The following KCNB2 variants were observed in gnomAD, a reference collection of about 807,000 sequenced individuals.
KCNB2 encodes delayed rectifier potassium channel protein.
In KCNB2, 15 loss-of-function variants were observed where a neutral mutation model predicts 61.5. The observed-to-expected ratio is 0.24, with a 90% CI of 0.16 to 0.38. The LOEUF (loss-of-function observed/expected upper bound fraction) is 0.38, where lower values mean the gene tolerates loss of function less well. Among genes scored for constraint, KCNB2 ranks in the 10% least tolerant of loss-of-function variants. The probability of loss-of-function intolerance (pLI) is 1.00; values close to 1 mark genes in which losing one functional copy is unlikely to be tolerated. For synonymous variants in KCNB2, 457 were observed against 446.0 expected, an observed-to-expected ratio of 1.02 and a Z score of -0.31; for missense variants, 828 against 1,125.2, an observed-to-expected ratio of 0.74 and a Z score of 3.78.
chr8:72,654,751 A>G (rs1806263925), intron 2 of KCNB2, among the ~76,000 whole-genome samples: 1 of 152,188 alleles, frequency 6.6e-6, no homozygotes. Flanking sequence ...AAAGTCTCCT[A>G]GAACATGGGA....
chr8:72,602,242 A>G (rs753251866), intron 2 of KCNB2, among the ~76,000 whole-genome samples: 3 of 152,194 alleles, frequency 2.0e-5, no homozygotes, highest in Non-Finnish European at 2.9e-5. Flanking sequence ...CATCAGAATC[A>G]GTCACTGAGT....
At chr8:72,557,085 T>C (rs1806440899) in intron 1 of KCNB2, among the ~76,000 whole-genome samples, 1 of 152,078 alleles carries the variant, frequency 6.6e-6, no homozygotes, top group South Asian at 2.1e-4. Flanking sequence ...AGGTCCCACC[T>C]CTTAATACCA....
chr8:72,734,592 G>A (rs1807806612), intron 2 of KCNB2, among the ~76,000 whole-genome samples: 1 of 152,172 alleles, frequency 6.6e-6, no homozygotes, highest in African/African-American at 2.4e-5. Context: ...TACGATACCA[G>A]GTGTGTCTCT....
Position 72,561,735 on chromosome 8 carries a change from C to CA in KCNB2, c.-93-5907_-93-5906insA, listed in dbSNP as rs1585752414. 1.4e-4 allele frequency among the ~76,000 whole-genome samples: 3 copies of CA among 22,114 alleles called. No homozygotes were observed. In the East Asian group the frequency reaches 0.01, roughly 74 times the overall value. The allele number at this position is 22,114 out of a possible 152,430, so 14.5% of individuals were successfully genotyped here. ...TATATATATATATATATATCTATATCTATATATATATGTATATATATATAT... is the reference window on the plus strand; with the variant it reads ...TATATATATATATATATATCTATATCATATATATATATGTATATATATATAT... On this transcript the variant is annotated intron_variant, in intron 1 of 2. Transcript: ENST00000523207.
chr8:72,841,938 T>C (rs927597738), intron 2 of KCNB2, among the ~76,000 whole-genome samples: 4 of 152,204 alleles, frequency 2.6e-5, no homozygotes, highest in Non-Finnish European at 5.9e-5. Context: ...ACTTGCCTGA[T>C]TGCCCTGGCC....
At chr8:72,884,693 G>T (rs1397076981) in intron 2 of KCNB2, among the ~76,000 whole-genome samples, 1 of 151,956 alleles carries the variant, frequency 6.6e-6, no homozygotes, top group Non-Finnish European at 1.5e-5. Context: ...ATGCTTATCT[G>T]CAATAACACC....
At chr8:72,808,703 C>T (rs1007355387) in intron 2 of KCNB2, among the ~76,000 whole-genome samples, 1 of 152,086 alleles carries the variant, frequency 6.6e-6, no homozygotes, top group Admixed American at 6.6e-5. Flanking sequence ...GACAAAGATC[C>T]CATGTACTTG....
chr8:72,764,689 T>C (rs1202546521), intron 2 of KCNB2, among the ~76,000 whole-genome samples: 1 of 152,202 alleles, frequency 6.6e-6, no homozygotes, highest in Non-Finnish European at 1.5e-5. Flanking sequence ...TCTTTCTTAG[T>C]AAAGAAAACA....
At chr8:72,836,317 C>T (rs187585047) in intron 2 of KCNB2, among the ~76,000 whole-genome samples, 11 of 152,234 alleles carry the variant, frequency 7.2e-5, no homozygotes, top group Non-Finnish European at 1.5e-4. Context: ...GTAAATGAAA[C>T]AACAATTAAA....
At chr8:72,700,324 G>A (rs1807096521) in intron 2 of KCNB2, among the ~76,000 whole-genome samples, 1 of 152,008 alleles carries the variant, frequency 6.6e-6, no homozygotes, top group Non-Finnish European at 1.5e-5. Flanking sequence ...TAACAAACCT[G>A]CACGTTCTGC....
chr8:72,603,374 G>A (rs1805389626), intron 2 of KCNB2, among the ~76,000 whole-genome samples: 1 of 152,110 alleles, frequency 6.6e-6, no homozygotes, highest in African/African-American at 2.4e-5. Flanking sequence ...AATGCAACAT[G>A]CCTTTGCATG....
At chr8:72,840,916 CATTTGTCA>C (rs1809871528) in intron 2 of KCNB2, among the ~76,000 whole-genome samples, 1 of 152,154 alleles carries the variant, frequency 6.6e-6, no homozygotes, top group Non-Finnish European at 1.5e-5. Context: ...AATTAGGTCC[CATTTGTCA>C]ATTTTGGCTT....
chr8:72,656,320 G>A lies in KCNB2; in HGVS notation c.579+88007G>A, dbSNP rs139001203. 7.4e-4 allele frequency among the ~76,000 whole-genome samples: 112 copies of A among 152,226 alleles called. No individual in the cohort carries two copies. The East Asian group carries it at 0.02, about 27-fold the overall frequency. ...CAAAGCAACTTGCACCTCTGAGAGT[G>A]AGCTATCCTCAGAAGTAAGATATTT... On this transcript the variant is annotated intron_variant, in intron 2 of 2. Coordinates refer to ENST00000523207, the MANE Select transcript of KCNB2 (RefSeq NM_004770.3).
At chr8:72,604,284 A>G (rs1235135943) in intron 2 of KCNB2, among the ~76,000 whole-genome samples, 1 of 152,184 alleles carries the variant, frequency 6.6e-6, no homozygotes, top group Non-Finnish European at 1.5e-5. Flanking sequence ...TCTATAATCT[A>G]TTACTGATAC....
chr8:72,883,621 G>T (rs1028571039), intron 2 of KCNB2, among the ~76,000 whole-genome samples: 9 of 152,162 alleles, frequency 5.9e-5, no homozygotes, highest in African/African-American at 2.2e-4. Context: ...TAAAACAGTA[G>T]TGTATAAGGA....
At chr8:72,839,903 G>A (rs986428755) in intron 2 of KCNB2, among the ~76,000 whole-genome samples, 4 of 151,368 alleles carry the variant, frequency 2.6e-5, no homozygotes, top group Non-Finnish European at 5.9e-5. Context: ...GTGAGCCACC[G>A]TGCCCAGCCT....
chr8:72,643,662 C>T (rs534536799), intron 2 of KCNB2, among the ~76,000 whole-genome samples: 204 of 152,184 alleles, frequency 1.3e-3, no homozygotes, highest in African/African-American at 4.3e-3. Context: ...CTAGGTTTTT[C>T]CTTCTGAAAA....
chr8:72,921,797 C>G (rs1175440033), intron 2 of KCNB2, among the ~76,000 whole-genome samples: 2 of 152,166 alleles, frequency 1.3e-5, no homozygotes, highest in Admixed American at 6.5e-5. Context: ...CTATTTACTT[C>G]CAGCAGTAAA....
chr8:72,599,304 A>G (rs1159779504), intron 2 of KCNB2, among the ~76,000 whole-genome samples: 2 of 152,208 alleles, frequency 1.3e-5, no homozygotes, highest in Non-Finnish European at 2.9e-5. Flanking sequence ...GCATATCTAC[A>G]ACTATCTGAT....
Sources: gnomAD v4.1 joint callset for allele counts (sites outside exome capture counted in the v4.1 genomes callset) on GRCh38, gnomAD v4.1.1 for gene constraint, MANE v1.5 for transcripts, NCBI Gene and HGNC (gene_info 2026-07-23, HGNC 2026-07-21) for gene names.